Variants in CADPS observed in about 807,000 individuals in gnomAD.
The protein encoded by CADPS is calcium-dependent secretion activator 1.
A neutral mutation model predicts 167.3 loss-of-function variants in CADPS; 57 were observed. The observed-to-expected ratio is 0.34, with a 90% CI of 0.28 to 0.42. The LOEUF (loss-of-function observed/expected upper bound fraction) is 0.42. Among genes scored for constraint, CADPS ranks in the 20% least tolerant of loss-of-function variants. The pLI is 1.00. For missense variants in CADPS, 1,414 were observed against 1,738.1 expected (o/e 0.81, Z 3.32); for synonymous variants, 676 against 635.3 (o/e 1.06, Z -0.96).
At chr3:62,460,457 C>T (rs1230248476) in intron 26 of CADPS, among the ~76,000 whole-genome samples, 1 of 152,214 alleles carries the variant, frequency 6.6e-6, no homozygotes, top group Non-Finnish European at 1.5e-5. Context: ...AAAGCCGTCT[C>T]TCCTACCCTG....
chr3:62,716,522 A>G (rs1366211910), intron 3 of CADPS, among the ~76,000 whole-genome samples: 1 of 152,252 alleles, frequency 6.6e-6, no homozygotes, highest in African/African-American at 2.4e-5. Context: ...TGCTTGCTAC[A>G]TGGTCTGACA....
intron 27 of CADPS, among the ~76,000 whole-genome samples, chr3:62,445,163 G>T (rs149434851): frequency 2.2e-3 from 339 of 152,186 alleles, no homozygotes; most frequent in Middle Eastern, 0.01. Flanking sequence ...GGGAAACTTC[G>T]AGTGCTTTAT....
intron 3 of CADPS, among the ~76,000 whole-genome samples, chr3:62,703,407 C>A (rs557328047): frequency 6.5e-4 from 99 of 152,154 alleles, no homozygotes; most frequent in African/African-American, 2.2e-3. Context: ...TTTTTGACTT[C>A]TAGTGTAGGG....
chr3:62,821,960 C>A (rs915496975), intron 1 of CADPS, among the ~76,000 whole-genome samples: 3 of 152,154 alleles, frequency 2.0e-5, no homozygotes, highest in African/African-American at 2.4e-5. Flanking sequence ...TGCTGGCTGT[C>A]AGCTGGCGGC....
At chr3:62,533,176 G>T (rs746920937) in intron 12 of CADPS, 118 bp from the exon 13 acceptor site, 28 of 806,668 alleles carry the variant, frequency 3.5e-5, no homozygotes, top group Non-Finnish European at 5.1e-5. Flanking sequence ...AACACTCCTT[G>T]ATTGCCTATT....
intron 3 of CADPS, among the ~76,000 whole-genome samples, chr3:62,683,276 T>C (rs570415037): frequency 1.3e-5 from 2 of 152,130 alleles, no homozygotes; most frequent in South Asian, 2.1e-4. Context: ...TACATAAACA[T>C]CATTCTGGCT....
At chr3:62,727,332 A>G (rs2076930544) in intron 3 of CADPS, among the ~76,000 whole-genome samples, 1 of 151,976 alleles carries the variant, frequency 6.6e-6, no homozygotes, top group African/African-American at 2.4e-5. Context: ...CAATCAAGAG[A>G]AGGCAGACAC....
intron 3 of CADPS, among the ~76,000 whole-genome samples, chr3:62,663,716 A>T (rs1327359185): frequency 6.6e-6 from 1 of 152,038 alleles, no homozygotes; most frequent in Admixed American, 6.6e-5. Context: ...ATATATGGTC[A>T]TACTTTTGAA....
In CADPS at chr3:62,438,875, A is replaced by T. The variant is rs1455270021; in HGVS notation, c.3670-664T>A. 1.3e-5 allele frequency: 2 copies of T among 152,126 alleles called. No individual in the cohort carries two copies. Among genetic ancestry groups the T allele is most frequent in the Non-Finnish European group, 2.9e-5 (2 of 68,046 alleles). The allele number at this position is 152,126 out of a possible 1,614,324, so 9.4% of individuals were successfully genotyped here. On this transcript the variant is annotated intron_variant, in intron 27 of 29. Transcript: ENST00000383710. This position sits in a 1 kb window ranked among gnomAD's most constrained non-coding sequence, Gnocchi z 4.7. ...TTAAAGTCCAAGGATTAAAAAGAAG[A>T]AGAAGAAGAGAAGAAACAAAAGGCA...
intron 3 of CADPS, among the ~76,000 whole-genome samples, chr3:62,728,345 C>T (rs2077134253): frequency 6.6e-6 from 1 of 151,798 alleles, no homozygotes; most frequent in East Asian, 1.9e-4. Flanking sequence ...TTCCTTACTA[C>T]CTTTAACAAT....
Position 62,467,546 on chromosome 3 carries a change from AG to A in CADPS, c.3478-1134del, listed in dbSNP as rs148320459. Among the ~76,000 whole-genome samples the A allele has an allele frequency of 3.5e-3, 535 of 152,296 alleles. 3 individuals carry two copies. The highest frequency in any genetic ancestry group is 0.012 in the African/African-American group (510 of 41,576). ...GTAAATCCATTTAGAATCATAGGCG[AG>A]GTTTGTTTGTAATTGGAAGACCTGG... On this transcript the variant is annotated intron_variant, in intron 24 of 29. Coordinates refer to ENST00000383710, the MANE Select transcript of CADPS (RefSeq NM_003716.4).
At chr3:62,741,942 A>G (rs1194089726) in intron 3 of CADPS, among the ~76,000 whole-genome samples, 1 of 152,208 alleles carries the variant, frequency 6.6e-6, no homozygotes. Flanking sequence ...GGATACAAAA[A>G]TCAATGTGCA....
chr3:62,871,558 G>C (rs1320676077), intron 1 of CADPS, among the ~76,000 whole-genome samples: 1 of 152,066 alleles, frequency 6.6e-6, no homozygotes, highest in Non-Finnish European at 1.5e-5. Flanking sequence ...GAATCAGAAT[G>C]TTTCACACTT....
intron 3 of CADPS, among the ~76,000 whole-genome samples, chr3:62,689,619 G>A (rs2078730157): frequency 6.6e-6 from 1 of 151,976 alleles, no homozygotes; most frequent in African/African-American, 2.4e-5. Flanking sequence ...GATTGTATTT[G>A]GATGACATGT....
chr3:62,433,414 G>A lies in CADPS; in HGVS notation c.3777+4690C>T, dbSNP rs2054370853. Among the ~76,000 whole-genome samples the A allele has an allele frequency of 1.3e-5, 2 of 152,126 alleles. No individual in the cohort carries two copies. The highest frequency in any genetic ancestry group is 4.8e-5 in the African/African-American group (2 of 41,430). On this transcript the variant is annotated intron_variant, in intron 28 of 29. Transcript: ENST00000383710. The surrounding 1 kb of genome is among the most constrained non-coding windows in gnomAD (Gnocchi z 4.7). ...CCACACTGCTTGATTAAGTTCTTACGAGGTGGTTTGGTAAGAGGCCCTTTC... is the reference window on the plus strand; with the variant it reads ...CCACACTGCTTGATTAAGTTCTTACAAGGTGGTTTGGTAAGAGGCCCTTTC...
At chr3:62,411,913 CCTTA>C (rs1285079628) in intron 28 of CADPS, among the ~76,000 whole-genome samples, 1 of 152,190 alleles carries the variant, frequency 6.6e-6, no homozygotes, top group Non-Finnish European at 1.5e-5. Context: ...CAATCTTCTG[CCTTA>C]CTTGAGTGTT....
intron 23 of CADPS, 36 bp from the exon 24 acceptor site, chr3:62,474,356 T>C: frequency 6.2e-7 from 1 of 1,605,622 alleles, no homozygotes; most frequent in Non-Finnish European, 8.5e-7. Context: ...CAATTCAGCG[T>C]TCAGATGGCA....
rs911791464 is a variant in CADPS, at chr3:62,776,310, T to C, written c.442-10326A>G. 3.3e-5 allele frequency among the ~76,000 whole-genome samples: 5 copies of C among 152,118 alleles called. No homozygotes were observed. The East Asian group carries it at 7.7e-4, about 23-fold the overall frequency. ...AAGAGTTGGGCTTTAATTCAAAGAA[T>C]GGTGGGAAAGCATTGAAATGTTTTG... is the stretch of plus-strand genomic sequence containing the variant. On this transcript the variant is annotated intron_variant, in intron 1 of 29. Transcript: ENST00000383710.
At chr3:62,633,163 G>A (rs2065623198) in intron 6 of CADPS, among the ~76,000 whole-genome samples, 1 of 152,210 alleles carries the variant, frequency 6.6e-6, no homozygotes, top group Admixed American at 6.5e-5. Flanking sequence ...CTTGGAAAAA[G>A]AGCGGACAAT....
Sources: allele counts gnomAD v4.1 joint callset (sites outside exome capture counted in the v4.1 genomes callset), GRCh38; gene constraint gnomAD v4.1.1; non-coding constraint Gnocchi (gnomAD v3.1); transcripts MANE v1.5; gene names NCBI Gene and HGNC (gene_info 2026-07-23, HGNC 2026-07-21).